Variants in FRAS1 observed in about 807,000 individuals in gnomAD.
FRAS1 encodes the protein Fraser extracellular matrix complex subunit 1, also known as extracellular matrix organizing protein FRAS1.
In FRAS1, 290 loss-of-function variants were observed where a neutral mutation model predicts 435.2. That is an observed-to-expected ratio of 0.67 (90% CI 0.61 to 0.73). FRAS1 has a LOEUF of 0.73. Ranked by LOEUF, FRAS1 falls within the 30% of genes least tolerant of loss-of-function variation. The pLI, the probability that FRAS1 is intolerant of heterozygous loss-of-function variation, is 0.00. For synonymous variants in FRAS1, 1,800 were observed against 1,851.0 expected, an observed-to-expected ratio of 0.97 and a Z score of 0.71; for missense variants, 4,860 against 5,001.5, an observed-to-expected ratio of 0.97 and a Z score of 0.85.
At chr4:78,381,750 G>GT (rs1306920019) in intron 27 of FRAS1, among the ~76,000 whole-genome samples, 2 of 152,058 alleles carry the variant, frequency 1.3e-5, no homozygotes, top group Non-Finnish European at 2.9e-5. Flanking sequence ...CTCATCACCT[G>GT]TTTTTTTGTG....
At chr4:78,293,343 A>C (rs1453843916) in intron 14 of FRAS1, among the ~76,000 whole-genome samples, 1 of 152,192 alleles carries the variant, frequency 6.6e-6, no homozygotes, top group Non-Finnish European at 1.5e-5. Flanking sequence ...TGATAGAAAA[A>C]ATGTGATAAA....
chr4:78,246,450 A>G lies in FRAS1; in HGVS notation c.309+1125A>G, dbSNP rs533167184. 4.1e-4 allele frequency among the ~76,000 whole-genome samples: 62 copies of G among 151,654 alleles called. 2 individuals carry two copies. The South Asian group carries it at 8.3e-3, about 20-fold the overall frequency. On this transcript the variant is annotated intron_variant, in intron 4 of 73. Coordinates refer to ENST00000512123, the MANE Select transcript of FRAS1 (RefSeq NM_025074.7). ...GAAGCCACTCTTTCACTTCTGCACA[A>G]TGTGTTGCTGAAAGACATCCAAGCA...
intron 47 of FRAS1, among the ~76,000 whole-genome samples, chr4:78,455,298 A>G (rs1719155396): frequency 6.6e-6 from 1 of 152,186 alleles, no homozygotes; most frequent in African/African-American, 2.4e-5. Flanking sequence ...TGGAGGAAGT[A>G]CATGTTGATT....
chr4:78,316,486 C>T (rs1339786248), intron 16 of FRAS1, among the ~76,000 whole-genome samples: 1 of 152,170 alleles, frequency 6.6e-6, no homozygotes, highest in East Asian at 1.9e-4. Context: ...GTGTTCACCA[C>T]CTTTCCTCTG....
At chr4:78,536,235 T>C (rs1721880122) in intron 71 of FRAS1, among the ~76,000 whole-genome samples, 1 of 137,872 alleles carries the variant, frequency 7.3e-6, no homozygotes, top group Non-Finnish European at 1.5e-5. Context: ...CTCTCCTGCC[T>C]CTCACTCCCA....
In FRAS1 at chr4:78,065,064, A is replaced by G. The variant is rs868199121; in HGVS notation, c.77-921A>G. ...AAGATTTCAGTTTTATAGTGTATAT[A>G]TATATATATATATATATATACATAC... On this transcript the variant is annotated intron_variant, in intron 1 of 73. Transcript: ENST00000512123. 1.6e-4 allele frequency among the ~76,000 whole-genome samples: 20 copies of G among 128,546 alleles called. 1 individual carries two copies. Among genetic ancestry groups the G allele is most frequent in the Middle Eastern group, 4.0e-3 (1 of 248 alleles). 84.3% of individuals were successfully genotyped at this position (128,546 alleles called of 152,430 possible).
At chr4:78,109,504 GATTATCTCA>G (rs1742582965) in intron 2 of FRAS1, among the ~76,000 whole-genome samples, 1 of 150,734 alleles carries the variant, frequency 6.6e-6, no homozygotes, top group African/African-American at 2.5e-5. Flanking sequence ...AAAACCACAT[GATTATCTCA>G]ATAGATGCAG....
chr4:78,298,030 C>CTCTATATATATA (rs1253600018), intron 14 of FRAS1, among the ~76,000 whole-genome samples: 2 of 104,084 alleles, frequency 1.9e-5, no homozygotes, highest in African/African-American at 6.7e-5. Flanking sequence ...CTCTCTCTCT[C>CTCTATATATATA]TATATATATA....
chr4:78,124,691 GT>G (rs1719239523), intron 2 of FRAS1, among the ~76,000 whole-genome samples: 1 of 152,086 alleles, frequency 6.6e-6, no homozygotes, highest in African/African-American at 2.4e-5. Flanking sequence ...CTTCTTCCTG[GT>G]TTAGTCTTGG....
At chr4:78,140,310 T>C (rs17002971) in intron 2 of FRAS1, among the ~76,000 whole-genome samples, 13,011 of 152,210 alleles carry the variant, frequency 0.085, 785 homozygotes, top group African/African-American at 0.16. Flanking sequence ...GTCTGTTTTT[T>C]TCTTAGTTTG....
intron 9 of FRAS1, among the ~76,000 whole-genome samples, chr4:78,268,924 A>G (rs1336612529): frequency 6.6e-6 from 1 of 152,174 alleles, no homozygotes; most frequent in Non-Finnish European, 1.5e-5. Flanking sequence ...CTTTTCTTTT[A>G]TGAATTGAGG....
intron 10 of FRAS1, among the ~76,000 whole-genome samples, chr4:78,280,732 C>T (rs1276585661): frequency 6.6e-6 from 1 of 152,126 alleles, no homozygotes; most frequent in African/African-American, 2.4e-5. Flanking sequence ...CGGCAAGTTA[C>T]TTAATCCTCA....
intron 2 of FRAS1, among the ~76,000 whole-genome samples, chr4:78,090,576 T>C (rs1296842323): frequency 6.6e-6 from 1 of 152,196 alleles, no homozygotes. Context: ...TCTTGGAGTT[T>C]GGCTGATGCT....
chr4:78,298,028 CTCTATA>C (rs796572253), intron 14 of FRAS1, among the ~76,000 whole-genome samples: 7,167 of 101,720 alleles, frequency 0.07, 208 homozygotes, highest in South Asian at 0.11. Flanking sequence ...CTCTCTCTCT[CTCTATA>C]TATATATATA....
chr4:78,189,800 C>T (rs985842473), intron 2 of FRAS1, among the ~76,000 whole-genome samples: 20 of 152,174 alleles, frequency 1.3e-4, no homozygotes, highest in Non-Finnish European at 2.9e-5. Flanking sequence ...CTCTTTATTC[C>T]ATATTTCCTT....
intron 61 of FRAS1, 43 bp downstream of exon 61, chr4:78,499,964 AGGGGC>A (rs1308287060): frequency 7.2e-7 from 1 of 1,390,912 alleles, no homozygotes; most frequent in Admixed American, 2.4e-5. Context: ...TACTTAATAG[AGGGGC>A]AAAAATCTTG....
intron 27 of FRAS1, among the ~76,000 whole-genome samples, chr4:78,381,959 A>T (rs1732038753): frequency 6.6e-6 from 1 of 152,252 alleles, no homozygotes; most frequent in Admixed American, 6.5e-5. Flanking sequence ...CATGGAAAAT[A>T]AAATTATTGA....
intron 2 of FRAS1, among the ~76,000 whole-genome samples, chr4:78,132,182 G>T (rs1301057638): frequency 6.6e-6 from 1 of 151,948 alleles, no homozygotes; most frequent in Non-Finnish European, 1.5e-5. Context: ...ATAAACCAGG[G>T]CCCCCCTGCA....
At chr4:78,148,827 A>G (rs1363377126) in intron 2 of FRAS1, among the ~76,000 whole-genome samples, 1 of 152,180 alleles carries the variant, frequency 6.6e-6, no homozygotes, top group Non-Finnish European at 1.5e-5. Context: ...AGTGACTGTG[A>G]ATATACAAGG....
Sources: gnomAD v4.1 joint callset for allele counts (sites outside exome capture counted in the v4.1 genomes callset) on GRCh38, gnomAD v4.1.1 for gene constraint, MANE v1.5 for transcripts, NCBI Gene and HGNC (gene_info 2026-07-23, HGNC 2026-07-21) for gene names.